PCDH15: variants seen among roughly 807,000 people sequenced by gnomAD.
PCDH15 encodes protocadherin related 15.
A neutral mutation model predicts 178.5 loss-of-function variants in PCDH15; 129 were observed. The ratio of observed to expected loss-of-function variants is 0.72; its 90% CI spans 0.63 to 0.84. PCDH15 has a LOEUF of 0.84. Among genes scored for constraint, PCDH15 ranks in the 40% least tolerant of loss-of-function variants. The pLI is 0.00. For synonymous variants in PCDH15, 800 were observed against 732.0 expected (o/e 1.09, Z -1.50); for missense variants, 2,230 against 2,099.9 (o/e 1.06, Z -1.21).
intron 8 of PCDH15, among the ~76,000 whole-genome samples, chr10:54,274,271 G>A (rs1591533179): frequency 6.6e-6 from 1 of 151,954 alleles, no homozygotes; most frequent in African/African-American, 2.4e-5. Context: ...ACCTGCACTT[G>A]TACCCCTAAA....
At chr10:55,325,648 C>G (rs1193809252) in intron 2 of PCDH15, among the ~76,000 whole-genome samples, 1 of 151,862 alleles carries the variant, frequency 6.6e-6, no homozygotes, top group Non-Finnish European at 1.5e-5. Flanking sequence ...GACATAAGAA[C>G]TGGCAAAGAT....
chr10:55,588,641 C>A (rs1842773676), intron 2 of PCDH15, among the ~76,000 whole-genome samples: 1 of 151,614 alleles, frequency 6.6e-6, no homozygotes, highest in Admixed American at 6.6e-5. Flanking sequence ...AAGAATAAAA[C>A]CTCTAGTATT....
chr10:55,137,760 T>G (rs953746564), intron 2 of PCDH15, among the ~76,000 whole-genome samples: 2 of 152,088 alleles, frequency 1.3e-5, no homozygotes, highest in Non-Finnish European at 2.9e-5. Context: ...AATAAAATTA[T>G]GAGCTTACAG....
At chr10:54,637,897 AATAT>A (rs1222082997) in intron 2 of PCDH15, among the ~76,000 whole-genome samples, 2 of 152,124 alleles carry the variant, frequency 1.3e-5, no homozygotes, top group African/African-American at 4.8e-5. Flanking sequence ...CAGCATGAGC[AATAT>A]TAAATGTTAG....
At chr10:54,574,964 G>T (rs2090293933) in intron 2 of PCDH15, among the ~76,000 whole-genome samples, 1 of 148,802 alleles carries the variant, frequency 6.7e-6, no homozygotes, top group African/African-American at 2.5e-5. Context: ...GGAATACTAT[G>T]CAGCCATAAA....
intron 25 of PCDH15, among the ~76,000 whole-genome samples, chr10:53,924,255 T>G (rs1427235342): frequency 6.6e-6 from 1 of 152,136 alleles, no homozygotes; most frequent in African/African-American, 2.4e-5. Flanking sequence ...GGCATGGGCT[T>G]GGTGGACTCC....
chr10:54,431,271 T>A (rs1238917), intron 3 of PCDH15, among the ~76,000 whole-genome samples: 8,090 of 152,084 alleles, frequency 0.053, 728 homozygotes, highest in African/African-American at 0.19. Flanking sequence ...GCCAGTATTA[T>A]CCTGATATCA....
chr10:53,897,648 T>C (rs946628966), intron 26 of PCDH15, among the ~76,000 whole-genome samples: 1 of 150,676 alleles, frequency 6.6e-6, no homozygotes, highest in African/African-American at 2.4e-5. Flanking sequence ...CGTCTTCTTC[T>C]TCCCAAACGG....
chr10:55,134,380 C>T (rs1261393707), intron 2 of PCDH15, among the ~76,000 whole-genome samples: 1 of 152,194 alleles, frequency 6.6e-6, no homozygotes, highest in African/African-American at 2.4e-5. Context: ...CTTCTACCCA[C>T]TTCAGATCCC....
intron 1 of PCDH15, chr10:55,247,982 T>TC (rs1296473749): frequency 6.6e-6 from 1 of 150,454 alleles, no homozygotes; most frequent in East Asian, 1.9e-4. Flanking sequence ...TTTGGGCTTT[T>TC]TTTTTTTTTT....
At chr10:54,333,397 T>A (rs568247218) in intron 6 of PCDH15, among the ~76,000 whole-genome samples, 89 of 152,224 alleles carry the variant, frequency 5.8e-4, no homozygotes, top group African/African-American at 2.1e-3. Context: ...TCATTCTGTC[T>A]CTAAAATGTA....
At chr10:53,901,706 C>G (rs2082346655) in intron 26 of PCDH15, among the ~76,000 whole-genome samples, 1 of 152,186 alleles carries the variant, frequency 6.6e-6, no homozygotes, top group Non-Finnish European at 1.5e-5. Context: ...TTCATTCACA[C>G]TAGCCTCCAG....
At position 55,319,050 on chromosome 10, in the gene PCDH15, A is replaced by AAC. The variant is rs67901034; in HGVS notation, c.-156+547_-156+548dup. On this transcript the variant is annotated intron_variant, in intron 1 of 5. Coordinates refer to the PCDH15 transcript ENST00000458638. ...CTTGCAAAAACAAGAAAACAAACAA[A>AAC]ACACACACACACACACACACACAAA... is the stretch of plus-strand genomic sequence containing the variant. 6.9e-3 allele frequency among the ~76,000 whole-genome samples: 1,033 copies of AAC among 150,190 alleles called. 9 individuals carry two copies. The highest frequency in any genetic ancestry group is 0.018 in the African/African-American group (735 of 40,866).
intron 32 of PCDH15, chr10:53,823,722 A>G (rs1450869313): frequency 2.2e-6 from 1 of 447,754 alleles, no homozygotes; most frequent in Admixed American, 2.4e-5. Context: ...CCCATTGCAG[A>G]ACACCATCCT....
rs939244174 is a variant in PCDH15, at chr10:54,342,450, G to A, written c.594+3915C>T. Among the ~76,000 whole-genome samples the A allele has an allele frequency of 3.3e-5, 5 of 152,328 alleles. No individual in the cohort carries two copies. In the East Asian group the frequency reaches 9.7e-4, roughly 29 times the overall value. On this transcript the variant is annotated intron_variant, in intron 6 of 37. Coordinates refer to ENST00000644397, the MANE Select transcript of PCDH15 (RefSeq NM_001384140.1). ...ATAGAAGACAAGAGTTGAGCTTTGGGAACCTCCACCTTGGTTTCAGAGGAT... is the reference window on the plus strand; with the variant it reads ...ATAGAAGACAAGAGTTGAGCTTTGGAAACCTCCACCTTGGTTTCAGAGGAT...
intron 3 of PCDH15, among the ~76,000 whole-genome samples, chr10:54,843,140 T>G (rs1953447530): frequency 6.6e-6 from 1 of 151,886 alleles, no homozygotes; most frequent in Non-Finnish European, 1.5e-5. Context: ...CCCTTAAAAG[T>G]CAATCTTAAT....
intron 2 of PCDH15, among the ~76,000 whole-genome samples, chr10:55,522,084 T>C (rs1841189429): frequency 6.6e-6 from 1 of 151,990 alleles, no homozygotes. Context: ...TGCTGGATCA[T>C]GTGGTACTTC....
At chr10:54,555,736 C>CAAAAAAAAAAAAA (rs869032040) in intron 2 of PCDH15, among the ~76,000 whole-genome samples, 1 of 73,398 alleles carries the variant, frequency 1.4e-5, no homozygotes, top group Non-Finnish European at 2.7e-5. Context: ...GACTCTGTCT[C>CAAAAAAAAAAAAA]AAAAAAAAAA....
intron 1 of PCDH15, among the ~76,000 whole-genome samples, chr10:55,278,142 T>C (rs1842642916): frequency 6.6e-6 from 1 of 152,166 alleles, no homozygotes; most frequent in African/African-American, 2.4e-5. Context: ...AGATTGCATT[T>C]AACACGTATA....
Sources: gnomAD v4.1 joint callset for allele counts (sites outside exome capture counted in the v4.1 genomes callset) on GRCh38, gnomAD v4.1.1 for gene constraint, MANE v1.5 for transcripts, NCBI Gene and HGNC (gene_info 2026-07-23, HGNC 2026-07-21) for gene names.